Variants in PPP4R2 observed in about 807,000 individuals in gnomAD.
The protein encoded by PPP4R2 is protein phosphatase 4 regulatory subunit 2.
Under a neutral mutation model 47.2 loss-of-function variants are expected in PPP4R2, and 13 were observed. The ratio of observed to expected loss-of-function variants is 0.28; its 90% CI spans 0.18 to 0.44. PPP4R2 has a LOEUF of 0.44. Among genes scored for constraint, PPP4R2 ranks in the 20% least tolerant of loss-of-function variants. The pLI, the probability that PPP4R2 is intolerant of heterozygous loss-of-function variation, is 1.00. For synonymous variants in PPP4R2, 151 were observed against 163.3 expected (o/e 0.92, Z 0.57); for missense variants, 421 against 491.2 (o/e 0.86, Z 1.35).
rs751815361 is a variant in PPP4R2 at position 73,064,835 on chromosome 3, T to TA, written c.639-10dup. 34 of 1,560,782 alleles carry TA rather than the reference T, an allele frequency of 2.2e-5. 1 individual carries two copies. Among genetic ancestry groups the TA allele is most frequent in the Non-Finnish European group, 2.8e-5 (32 of 1,158,294 alleles). ...GAAAATAATCTTATTAATGACACTT[T>TA]AAAAAAACATTTACAGTGACTCTTC... is the stretch of plus-strand genomic sequence containing the variant. On this transcript the variant is annotated splice_polypyrimidine_tract_variant and intron_variant, in intron 7 of 8. Coordinates refer to ENST00000356692, the MANE Select transcript of PPP4R2 (RefSeq NM_174907.4).
At chr3:73,060,487 T>TA (rs1702831244) in intron 4 of PPP4R2, among the ~76,000 whole-genome samples, 1 of 152,182 alleles carries the variant, frequency 6.6e-6, no homozygotes, top group African/African-American at 2.4e-5. Flanking sequence ...GGAGGGGGAT[T>TA]AAATGCAAAA....
chr3:73,003,217 GTT>G (rs11296236), intron 2 of PPP4R2, among the ~76,000 whole-genome samples: 5 of 140,858 alleles, frequency 3.5e-5, no homozygotes, highest in African/African-American at 5.3e-5. Context: ...TTTCCCTTTT[GTT>G]TTTTTTTTTT....
intron 2 of PPP4R2, among the ~76,000 whole-genome samples, chr3:73,037,000 T>C (rs923156904): frequency 6.6e-6 from 1 of 152,220 alleles, no homozygotes; most frequent in Non-Finnish European, 1.5e-5. Context: ...CAGTAACAGA[T>C]ATTTTAAGCT....
intron 3 of PPP4R2, among the ~76,000 whole-genome samples, chr3:73,053,173 G>A (rs1339286653): frequency 6.6e-6 from 1 of 152,186 alleles, no homozygotes. Flanking sequence ...TTGTGTCAGT[G>A]TTTGTTGAGT....
At chr3:73,041,703 G>C (rs1702383267) in intron 2 of PPP4R2, among the ~76,000 whole-genome samples, 1 of 152,240 alleles carries the variant, frequency 6.6e-6, no homozygotes, top group African/African-American at 2.4e-5. Context: ...CACACTTTGT[G>C]TGCAATGCAG....
intron 2 of PPP4R2, among the ~76,000 whole-genome samples, chr3:73,041,613 A>G (rs1265109670): frequency 6.6e-6 from 1 of 152,214 alleles, no homozygotes; most frequent in East Asian, 1.9e-4. Context: ...ATGTTTATAA[A>G]TGGTGCAGTA....
rs572971198 is a variant in PPP4R2 at position 73,030,539 on chromosome 3, A to G, written c.117-16647A>G. Among the ~76,000 whole-genome samples the G allele has an allele frequency of 3.9e-5, 6 of 152,152 alleles. No homozygotes were observed. The East Asian group carries it at 1.2e-3, about 29-fold the overall frequency. On this transcript the variant is annotated intron_variant, in intron 2 of 8. Coordinates refer to ENST00000356692, the MANE Select transcript of PPP4R2 (RefSeq NM_174907.4). The stretch of plus-strand genomic sequence containing the variant: ...ATTTGTAGCGTACTCAAGATCAGCC[A>G]GCATGGTTGTGGATTTTTCTTTGTC...
chr3:73,047,677 T>A (rs940266651), intron 3 of PPP4R2, among the ~76,000 whole-genome samples: 1 of 152,248 alleles, frequency 6.6e-6, no homozygotes, highest in Non-Finnish European at 1.5e-5. Context: ...CATTGAGAAA[T>A]CACATTTCTT....
intron 2 of PPP4R2, among the ~76,000 whole-genome samples, chr3:73,006,833 ATT>A (rs1212934555): frequency 1.3e-5 from 2 of 152,160 alleles, no homozygotes; most frequent in African/African-American, 4.8e-5. Context: ...CCTGTTGGCT[ATT>A]TTATGATTCT....
chr3:73,002,634 CTTT>C (rs1173734970), intron 2 of PPP4R2, among the ~76,000 whole-genome samples: 4 of 41,166 alleles, frequency 9.7e-5, no homozygotes, highest in South Asian at 1.3e-3. Flanking sequence ...CTTTTCTTTT[CTTT>C]TTTTTTTTTT....
intron 2 of PPP4R2, among the ~76,000 whole-genome samples, chr3:73,027,042 A>C (rs1314730679): frequency 1.3e-5 from 2 of 152,204 alleles, no homozygotes; most frequent in Non-Finnish European, 2.9e-5. Flanking sequence ...AATATGTCCA[A>C]AGTGCTTAGA....
At chr3:73,036,278 T>C (rs1702260075) in intron 2 of PPP4R2, among the ~76,000 whole-genome samples, 1 of 152,158 alleles carries the variant, frequency 6.6e-6, no homozygotes, top group Non-Finnish European at 1.5e-5. Flanking sequence ...TAGAAATTGG[T>C]TACTGGGTAC....
chr3:73,035,176 A>T (rs529918694), intron 2 of PPP4R2, among the ~76,000 whole-genome samples: 1 of 152,350 alleles, frequency 6.6e-6, no homozygotes, highest in East Asian at 1.9e-4. Flanking sequence ...CAACATTAGT[A>T]ATCATCAGGA....
intron 2 of PPP4R2, among the ~76,000 whole-genome samples, chr3:73,022,584 C>T (rs566159180): frequency 2.2e-4 from 34 of 151,828 alleles, no homozygotes; most frequent in Non-Finnish European, 1.9e-4. Context: ...TATGTAAATT[C>T]CAAAGATTTT....
At chr3:73,004,462 C>G (rs1430145869) in intron 2 of PPP4R2, among the ~76,000 whole-genome samples, 8 of 152,098 alleles carry the variant, frequency 5.3e-5, no homozygotes, top group Non-Finnish European at 8.8e-5. Context: ...CTGTTAAAAT[C>G]TATTTATTTT....
rs145801822 is a variant in PPP4R2 at position 73,034,080 on chromosome 3, A to G, written c.117-13106A>G. ...CAGTGCTTGTTATTTTTCATTTTAG[A>G]AAATGTTTTTGATTTAAAATAATCA... is the stretch of plus-strand genomic sequence containing the variant. On this transcript the variant is annotated intron_variant, in intron 2 of 8. Coordinates refer to ENST00000356692, the MANE Select transcript of PPP4R2 (RefSeq NM_174907.4). Among the ~76,000 whole-genome samples, 168 of 152,250 alleles carry G rather than the reference A, an allele frequency of 1.1e-3. 1 individual carries two copies. Among genetic ancestry groups the G allele is most frequent in the Non-Finnish European group, 1.6e-3 (107 of 68,028 alleles).
chr3:73,016,011 C>G (rs1345661247), intron 2 of PPP4R2: 1 of 182,836 alleles, frequency 5.5e-6, no homozygotes, highest in African/African-American at 2.4e-5. Context: ...CAAGTATCTG[C>G]CTGCTTCGGC....
At chr3:73,015,736 C>T in intron 2 of PPP4R2, 1 of 422,210 alleles carries the variant, frequency 2.4e-6, no homozygotes, top group Non-Finnish European at 4.8e-6. Context: ...CCCCTGGGTT[C>T]ATGCCATTGT....
chr3:73,047,264 T>A lies in PPP4R2; in HGVS notation c.195T>A (p.Pro65=). ...KVMDDFRTSA[P]EPRGPPNPNV... ...TGGATGATTTCAGAACTTCAGCTCC[T>A]GAGCCAAGAGGTCCTCCCAACCCTA... The change falls in exon 3 of 9, where the codon CCT becomes CCA. Residue 65 remains proline, a synonymous_variant. Coordinates refer to ENST00000356692, the MANE Select transcript of PPP4R2 (RefSeq NM_174907.4). The A allele has an allele frequency of 6.2e-7, 1 of 1,608,588 alleles. No individual in the cohort carries two copies. Among genetic ancestry groups the A allele is most frequent in the East Asian group, 2.2e-5 (1 of 44,792 alleles).
Sources: gnomAD v4.1 joint callset for allele counts (sites outside exome capture counted in the v4.1 genomes callset) on GRCh38, gnomAD v4.1.1 for gene constraint, MANE v1.5 for transcripts, NCBI Gene and HGNC (gene_info 2026-07-23, HGNC 2026-07-21) for gene names.